Variants in OR2L13 observed in about 807,000 individuals in gnomAD.
OR2L13 encodes the protein olfactory receptor family 2 subfamily L member 13.
Under a neutral mutation model 15.3 loss-of-function variants are expected in OR2L13, and 14 were observed. The ratio of observed to expected loss-of-function variants is 0.91; its 90% CI spans 0.60 to 1.43. OR2L13 has a LOEUF of 1.43. Among genes scored for constraint, OR2L13 ranks in the 40% most tolerant of loss-of-function variants. The pLI, the probability that OR2L13 is intolerant of heterozygous loss-of-function variation, is 0.00. For missense variants in OR2L13, 367 were observed against 387.9 expected (o/e 0.95, Z 0.45); for synonymous variants, 152 against 142.9 (o/e 1.06, Z -0.45).
chr1:247,994,360 G>A, the OR2L13 span, among the ~76,000 whole-genome samples: 4 of 152,234 alleles, frequency 2.6e-5, no homozygotes, highest in South Asian at 6.2e-4. Context: ...TCGCTCCACT[G>A]CACTCCAGCC....
At chr1:248,008,284 C>G in the OR2L13 span, among the ~76,000 whole-genome samples, 4 of 152,136 alleles carry the variant, frequency 2.6e-5, no homozygotes, top group South Asian at 8.3e-4. Context: ...TGGCTTCAAG[C>G]CAGTTTCTCT....
At chr1:247,951,257 T>G in the OR2L13 span, among the ~76,000 whole-genome samples, 3,701 of 152,288 alleles carry the variant, frequency 0.024, 58 homozygotes, top group East Asian at 0.036. Context: ...CAGGATTGAT[T>G]TGGCTGTTTG....
the OR2L13 span, among the ~76,000 whole-genome samples, chr1:247,940,964 C>A: frequency 6.6e-6 from 1 of 151,878 alleles, no homozygotes; most frequent in African/African-American, 2.4e-5. Flanking sequence ...GAAATGGTGT[C>A]TCATTGTGGT....
At chr1:247,968,905 G>A in the OR2L13 span, among the ~76,000 whole-genome samples, 8 of 152,192 alleles carry the variant, frequency 5.3e-5, no homozygotes, top group East Asian at 5.8e-4. Flanking sequence ...TTCTAGATCC[G>A]TGAGGAATCG....
the OR2L13 span, among the ~76,000 whole-genome samples, chr1:248,064,963 T>G: frequency 1.9e-4 from 29 of 152,206 alleles, no homozygotes; most frequent in Non-Finnish European, 3.4e-4. Context: ...TGACATAGTA[T>G]CTGTACTCAG....
At chr1:247,966,320 A>T in the OR2L13 span, 1 of 1,612,636 alleles carries the variant, frequency 6.2e-7, no homozygotes, top group Non-Finnish European at 8.5e-7. Flanking sequence ...AGAAAATATG[A>T]CTTCAGATCT....
the OR2L13 span, among the ~76,000 whole-genome samples, chr1:248,065,952 T>C: frequency 6.6e-6 from 1 of 152,104 alleles, no homozygotes; most frequent in African/African-American, 2.4e-5. Context: ...CTGATACTCT[T>C]CCAGTACCCT....
At chr1:248,056,679 T>TG in the OR2L13 span, among the ~76,000 whole-genome samples, 9 of 149,926 alleles carry the variant, frequency 6.0e-5, no homozygotes, top group Non-Finnish European at 1.0e-4. Context: ...GGGCTTTTTT[T>TG]TTTTTTTTAG....
At chr1:248,072,395 T>G in the OR2L13 span, among the ~76,000 whole-genome samples, 1 of 152,262 alleles carries the variant, frequency 6.6e-6, no homozygotes, top group East Asian at 1.9e-4. Flanking sequence ...CCCTATTTAA[T>G]AAATGGTGCT....
At chr1:248,013,679 A>G in the OR2L13 span, 5 of 152,182 alleles carry the variant, frequency 3.3e-5, no homozygotes, top group East Asian at 1.9e-4. Flanking sequence ...TATGATGACT[A>G]TACGACTGCT....
At chr1:248,021,033 AATCATCCAGAAAAC>A in the OR2L13 span, among the ~76,000 whole-genome samples, 2 of 152,014 alleles carry the variant, frequency 1.3e-5, no homozygotes, top group Admixed American at 6.6e-5. Flanking sequence ...TGTAGAAAAA[AATCATCCAGAAAAC>A]ATAATGCTAA....
the OR2L13 span, among the ~76,000 whole-genome samples, chr1:248,047,654 C>G: frequency 2.0e-5 from 3 of 152,078 alleles, no homozygotes; most frequent in African/African-American, 7.2e-5. Flanking sequence ...AGGTAAACTT[C>G]CAGTGAAATT....
At chr1:248,077,062 A>C in the OR2L13 span, among the ~76,000 whole-genome samples, 2 of 152,142 alleles carry the variant, frequency 1.3e-5, no homozygotes, top group Non-Finnish European at 2.9e-5. Flanking sequence ...GCACTGTTGA[A>C]TTTTGTCAAA....
At chr1:247,948,559 A>G in the OR2L13 span, among the ~76,000 whole-genome samples, 3 of 152,358 alleles carry the variant, frequency 2.0e-5, no homozygotes, top group East Asian at 5.8e-4. Context: ...GTCTGAGTAC[A>G]GTACAATAAA....
At chr1:248,067,926 G>A in the OR2L13 span, among the ~76,000 whole-genome samples, 3 of 152,228 alleles carry the variant, frequency 2.0e-5, no homozygotes, top group Admixed American at 1.3e-4. Context: ...ACTGCAAGGT[G>A]GCAGCGAGGC....
At chr1:247,938,921 C>T in the OR2L13 span, 1 of 152,198 alleles carries the variant, frequency 6.6e-6, no homozygotes, top group Non-Finnish European at 1.5e-5. Flanking sequence ...TACACATAGT[C>T]TTTTGAACAT....
chr1:248,033,597 T>C, the OR2L13 span, among the ~76,000 whole-genome samples: 9 of 95,260 alleles, frequency 9.4e-5, no homozygotes, highest in Admixed American at 3.0e-4. Context: ...CCACCACACC[T>C]GGCTAATTTT....
chr1:248,022,295 A>G, the OR2L13 span: 2 of 1,614,080 alleles, frequency 1.2e-6, no homozygotes, highest in South Asian at 2.2e-5. Flanking sequence ...TCCTGACATC[A>G]ATGGCCTATG....
the OR2L13 span, among the ~76,000 whole-genome samples, chr1:248,058,614 T>A: frequency 2.6e-5 from 4 of 152,124 alleles, no homozygotes; most frequent in African/African-American, 9.7e-5. Flanking sequence ...TTAGAATTTT[T>A]AGGAAATTTT....
Sources: allele counts gnomAD v4.1 joint callset (sites outside exome capture counted in the v4.1 genomes callset), GRCh38; gene constraint gnomAD v4.1.1; transcripts MANE v1.5; gene names NCBI Gene and HGNC (gene_info 2026-07-23, HGNC 2026-07-21).